The following MALRD1 variants were observed in gnomAD, a reference collection of about 807,000 sequenced individuals.
MALRD1 encodes the protein MAM and LDL receptor class A domain containing 1.
A neutral mutation model predicts 242.1 loss-of-function variants in MALRD1; 247 were observed. That is an observed-to-expected ratio of 1.02 (90% CI 0.92 to 1.13). The LOEUF (loss-of-function observed/expected upper bound fraction) is 1.13. MALRD1 is among the 50% of genes most tolerant of loss of function. The pLI, the probability that MALRD1 is intolerant of heterozygous loss-of-function variation, is 0.00. For missense variants in MALRD1, 2,989 were observed against 2,533.1 expected (o/e 1.18, Z -3.86); for synonymous variants, 995 against 866.6 (o/e 1.15, Z -2.60).
At chr10:19,668,312 A>G (rs1841767659) in intron 36 of MALRD1, among the ~76,000 whole-genome samples, 2 of 152,166 alleles carry the variant, frequency 1.3e-5, no homozygotes, top group South Asian at 2.1e-4. Context: ...GTATTTCTCA[A>G]TGGGGAGGCA....
intron 31 of MALRD1, among the ~76,000 whole-genome samples, chr10:19,520,157 A>T (rs1468595080): frequency 6.6e-6 from 1 of 152,156 alleles, no homozygotes; most frequent in Non-Finnish European, 1.5e-5. Context: ...CCAACTACAC[A>T]GAAGGCACTT....
At chr10:19,472,604 T>C (rs1836549278) in intron 29 of MALRD1, among the ~76,000 whole-genome samples, 1 of 151,980 alleles carries the variant, frequency 6.6e-6, no homozygotes, top group African/African-American at 2.4e-5. Context: ...GTTCAGGTTT[T>C]CTCTTTCTTC....
intron 29 of MALRD1, among the ~76,000 whole-genome samples, chr10:19,453,420 A>G (rs1835433756): frequency 6.6e-6 from 1 of 152,238 alleles, no homozygotes; most frequent in Non-Finnish European, 1.5e-5. Flanking sequence ...AGTGATAAAA[A>G]TATTCTAATG....
chr10:19,520,064 G>A (rs1833810176), intron 31 of MALRD1, among the ~76,000 whole-genome samples: 1 of 152,084 alleles, frequency 6.6e-6, no homozygotes, highest in Admixed American at 6.6e-5. Context: ...CTCTGAACAG[G>A]CTTTTTCATT....
chr10:19,685,249 A>G (rs1842533771), intron 36 of MALRD1, among the ~76,000 whole-genome samples: 1 of 151,850 alleles, frequency 6.6e-6, no homozygotes, highest in African/African-American at 2.4e-5. Context: ...CTTCTATTTT[A>G]TTTTCTATTT....
Position 19,581,258 on chromosome 10 carries a change from G to A in MALRD1, c.5680+13555G>A, listed in dbSNP as rs1837107004. 1.3e-5 allele frequency among the ~76,000 whole-genome samples: 2 copies of A among 151,158 alleles called. 1 individual carries two copies. The highest frequency in any genetic ancestry group is 4.2e-4 in the South Asian group (2 of 4,784). The stretch of plus-strand genomic sequence containing the variant: ...TTATACTTTAAGTTTTAGGGTACAT[G>A]TGCACAATGTGCAGGTTAGTTACAT... On this transcript the variant is annotated intron_variant, in intron 33 of 39. Transcript: ENST00000454679.
intron 35 of MALRD1, among the ~76,000 whole-genome samples, chr10:19,610,114 C>T (rs1292784790): frequency 7.9e-5 from 12 of 151,754 alleles, no homozygotes; most frequent in African/African-American, 1.9e-4. Context: ...CATAATTATA[C>T]GTATTTATGA....
chr10:19,352,160 A>T lies in MALRD1; in HGVS notation c.4304A>T (p.Asp1435Val). 1 of 1,550,592 alleles carries T rather than the reference A, an allele frequency of 6.4e-7. No individual in the cohort carries two copies. Among genetic ancestry groups the T allele is most frequent in the Non-Finnish European group, 8.7e-7 (1 of 1,146,950 alleles). The change falls in exon 26 of 40, where the codon GAC becomes GTC. Residue 1435 changes from aspartate to valine, a missense_variant. Coordinates refer to ENST00000454679, the MANE Select transcript of MALRD1 (RefSeq NM_001142308.3). Reference sequence around the variant, plus strand: ...GAACTGTCACTGTTTGGTGATGAAGACTTCCAACTCAAATTTGAAGGTAGA... The same window carrying T: ...GAACTGTCACTGTTTGGTGATGAAGTCTTCCAACTCAAATTTGAAGGTAGA... ...REELSLFGDEDFQLKFEGRVG... is the reference protein window; with the variant it reads ...REELSLFGDEVFQLKFEGRVG...
At chr10:19,514,478 G>A (rs1833542213) in intron 31 of MALRD1, among the ~76,000 whole-genome samples, 1 of 152,006 alleles carries the variant, frequency 6.6e-6, no homozygotes, top group South Asian at 2.1e-4. Flanking sequence ...AACTCCCTAA[G>A]TTAGTTCAAC....
At chr10:19,695,501 A>AAAAG (rs1235652105) in intron 38 of MALRD1, among the ~76,000 whole-genome samples, 1 of 146,748 alleles carries the variant, frequency 6.8e-6, no homozygotes, top group African/African-American at 2.5e-5. Flanking sequence ...AAAGAGAAGC[A>AAAAG]AAGGCATGTT....
chr10:19,410,614 G>A (rs1199684436), intron 28 of MALRD1, among the ~76,000 whole-genome samples: 1 of 151,426 alleles, frequency 6.6e-6, no homozygotes, highest in Non-Finnish European at 1.5e-5. Flanking sequence ...ACAGAAGCTA[G>A]TGAACAACTT....
chr10:19,399,429 A>G (rs965792931), intron 28 of MALRD1, among the ~76,000 whole-genome samples: 3 of 152,092 alleles, frequency 2.0e-5, no homozygotes, highest in African/African-American at 7.2e-5. Flanking sequence ...TTTAATGCAT[A>G]CTCTTCATTT....
intron 29 of MALRD1, among the ~76,000 whole-genome samples, chr10:19,457,954 G>A (rs1835745413): frequency 6.6e-6 from 1 of 151,754 alleles, no homozygotes; most frequent in South Asian, 2.1e-4. Context: ...GAAAGGGCGG[G>A]AAAAGAATAT....
chr10:19,116,164 A>C (rs1327747287), intron 5 of MALRD1, among the ~76,000 whole-genome samples: 2 of 152,204 alleles, frequency 1.3e-5, no homozygotes, highest in African/African-American at 2.4e-5. Flanking sequence ...ATTGTGATTA[A>C]ATAAGAACAT....
At chr10:19,240,257 T>C (rs552422299) in intron 18 of MALRD1, among the ~76,000 whole-genome samples, 2 of 152,214 alleles carry the variant, frequency 1.3e-5, no homozygotes, top group Admixed American at 6.6e-5. Context: ...GTAAATGGAA[T>C]TCCTTTCTTG....
At chr10:19,495,447 T>TAA (rs937207916) in intron 30 of MALRD1, among the ~76,000 whole-genome samples, 9 of 124,774 alleles carry the variant, frequency 7.2e-5, no homozygotes, top group African/African-American at 1.5e-4. Flanking sequence ...TTCAACATTC[T>TAA]AAAAAAAAAA....
intron 10 of MALRD1, among the ~76,000 whole-genome samples, chr10:19,138,058 A>G (rs1346846806): frequency 6.6e-6 from 1 of 152,146 alleles, no homozygotes. Flanking sequence ...GGAAGCTTGG[A>G]TTTTATTAAG....
At chr10:19,544,663 G>T (rs1835131855) in intron 32 of MALRD1, among the ~76,000 whole-genome samples, 1 of 151,622 alleles carries the variant, frequency 6.6e-6, no homozygotes, top group Non-Finnish European at 1.5e-5. Context: ...ACTAAAAGTA[G>T]ATCTTTGGTC....
chr10:19,299,270 T>G (rs1053878220), intron 21 of MALRD1, among the ~76,000 whole-genome samples: 55 of 152,060 alleles, frequency 3.6e-4, no homozygotes, highest in African/African-American at 1.3e-3. Flanking sequence ...GATAAGTGCC[T>G]TGGGAATTCT....
Sources: gnomAD v4.1 joint callset for allele counts (sites outside exome capture counted in the v4.1 genomes callset) on GRCh38, gnomAD v4.1.1 for gene constraint, MANE v1.5 for transcripts, NCBI Gene and HGNC (gene_info 2026-07-23, HGNC 2026-07-21) for gene names.